The following RAB20 variants were observed in gnomAD, a reference collection of about 807,000 sequenced individuals.
RAB20 encodes RAB20, member RAS oncogene family.
Under a neutral mutation model 3.7 loss-of-function variants are expected in RAB20, and 2 were observed. The ratio of observed to expected loss-of-function variants is 0.54; its 90% CI spans 0.22 to 1.69. The LOEUF (loss-of-function observed/expected upper bound fraction) is 1.69, where lower values mean the gene tolerates loss of function less well. Among genes scored for constraint, RAB20 ranks in the 40% most tolerant of loss-of-function variants. The pLI is 0.19. For synonymous variants in RAB20, 126 were observed against 130.8 expected, an observed-to-expected ratio of 0.96 and a Z score of 0.25; for missense variants, 276 against 311.9, an observed-to-expected ratio of 0.88 and a Z score of 0.87.
chr13:110,526,973 G>A (rs7995929), intron 1 of RAB20, among the ~76,000 whole-genome samples: 97,807 of 151,946 alleles, frequency 0.64, 32,029 homozygotes, highest in Admixed American at 0.7. Context: ...CCCCTCGGGG[G>A]CCGAGGGGTC....
At chr13:110,559,229 C>T (rs924018316) in intron 1 of RAB20, among the ~76,000 whole-genome samples, 3 of 152,104 alleles carry the variant, frequency 2.0e-5, no homozygotes, top group Admixed American at 2.0e-4. Context: ...CCCAGCCCAC[C>T]CTGCCTTGTG....
At chr13:110,548,358 C>T (rs940682528) in intron 1 of RAB20, among the ~76,000 whole-genome samples, 2 of 151,984 alleles carry the variant, frequency 1.3e-5, no homozygotes, top group Non-Finnish European at 2.9e-5. Flanking sequence ...GTGGTGTGCA[C>T]CTGTAGTCCC....
intron 1 of RAB20, among the ~76,000 whole-genome samples, chr13:110,546,631 T>TCA (rs1884853227): frequency 6.6e-6 from 1 of 151,952 alleles, no homozygotes; most frequent in Non-Finnish European, 1.5e-5. Context: ...GGCATGGTGC[T>TCA]GGGTGACACC....
intron 1 of RAB20, among the ~76,000 whole-genome samples, chr13:110,548,762 G>A (rs1415424783): frequency 6.6e-6 from 1 of 152,116 alleles, no homozygotes; most frequent in East Asian, 1.9e-4. Context: ...CCAACCTGGA[G>A]TGCAACCTGT....
Position 110,555,807 on chromosome 13 carries a change from C to T in RAB20, c.172+5541G>A, listed in dbSNP as rs928911470. Among the ~76,000 whole-genome samples, 1 of 152,182 alleles carries T rather than the reference C, an allele frequency of 6.6e-6. No homozygotes were observed. The highest frequency in any genetic ancestry group is 2.4e-5 in the African/African-American group (1 of 41,438). On this transcript the variant is annotated intron_variant, in intron 1 of 1. Transcript: ENST00000267328. This position sits in a 1 kb window ranked among gnomAD's most constrained non-coding sequence, Gnocchi z 4.0. The stretch of plus-strand genomic sequence containing the variant: ...TGGCGACTTTTATTCTCACTCTTTA[C>T]CACGGCCACCGCGAGTGCCCCCAGC...
chr13:110,546,105 C>A (rs773785758), intron 1 of RAB20, among the ~76,000 whole-genome samples: 4 of 150,756 alleles, frequency 2.7e-5, no homozygotes, highest in Non-Finnish European at 5.9e-5. Context: ...AAAAAAAAAG[C>A]CTCAGCCATT....
intron 1 of RAB20, among the ~76,000 whole-genome samples, chr13:110,536,341 C>T (rs1884638496): frequency 6.6e-6 from 1 of 152,148 alleles, no homozygotes; most frequent in African/African-American, 2.4e-5. Context: ...TGACTCAGAC[C>T]CCTACTAAAG....
At chr13:110,532,285 G>T (rs1338587372) in intron 1 of RAB20, among the ~76,000 whole-genome samples, 1 of 152,234 alleles carries the variant, frequency 6.6e-6, no homozygotes, top group Admixed American at 6.5e-5. Flanking sequence ...CTATTGAAAT[G>T]TAAGAATTAG....
At chr13:110,547,583 G>A (rs1015397340) in intron 1 of RAB20, among the ~76,000 whole-genome samples, 4 of 152,106 alleles carry the variant, frequency 2.6e-5, no homozygotes, top group African/African-American at 7.2e-5. Context: ...TCACTTCTAC[G>A]AAGGACACAG....
intron 1 of RAB20, among the ~76,000 whole-genome samples, chr13:110,537,695 C>T (rs1269002898): frequency 1.3e-5 from 2 of 150,234 alleles, no homozygotes; most frequent in African/African-American, 5.0e-5. Flanking sequence ...TGAGTCCAGC[C>T]ACTATTAACA....
At chr13:110,538,552 G>A (rs1363286987) in intron 1 of RAB20, among the ~76,000 whole-genome samples, 1 of 133,550 alleles carries the variant, frequency 7.5e-6, no homozygotes, top group African/African-American at 2.7e-5. Flanking sequence ...GTTGTAGTGA[G>A]CTATGATCAC....
intron 1 of RAB20, among the ~76,000 whole-genome samples, chr13:110,532,016 G>A (rs921369174): frequency 6.6e-6 from 1 of 152,170 alleles, no homozygotes; most frequent in Non-Finnish European, 1.5e-5. Flanking sequence ...TCTACCCCAA[G>A]TGTTGTGTCG....
chr13:110,547,625 G>A (rs527427727), intron 1 of RAB20, among the ~76,000 whole-genome samples: 7 of 152,244 alleles, frequency 4.6e-5, no homozygotes, highest in Non-Finnish European at 7.4e-5. Flanking sequence ...ATAAATCCTC[G>A]GACAGGTCTG....
intron 1 of RAB20, among the ~76,000 whole-genome samples, chr13:110,547,381 T>C (rs1018810368): frequency 2.0e-5 from 3 of 152,220 alleles, no homozygotes; most frequent in Non-Finnish European, 4.4e-5. Context: ...ATTGATCTCG[T>C]TAGTGATGAG....
At chr13:110,526,287 TG>T (rs1372786345) in intron 1 of RAB20, among the ~76,000 whole-genome samples, 2 of 152,186 alleles carry the variant, frequency 1.3e-5, no homozygotes, top group Non-Finnish European at 2.9e-5. Flanking sequence ...CAGAGAGAGG[TG>T]GCACCCAGGG....
At position 110,538,733 on chromosome 13, in the gene RAB20, G is replaced by C. The variant is rs112619050; in HGVS notation, c.173-14536C>G. Reference sequence around the variant, plus strand: ...CCACTCCCAGAAAACCAGCTCCCTGGGGACGGCTGTTTCCTCCCAGCAAGG... The same window carrying C: ...CCACTCCCAGAAAACCAGCTCCCTGCGGACGGCTGTTTCCTCCCAGCAAGG... On this transcript the variant is annotated intron_variant, in intron 1 of 1. Transcript: ENST00000267328. Among the ~76,000 whole-genome samples, 4 of 152,124 alleles carry C rather than the reference G, an allele frequency of 2.6e-5. No homozygotes were observed. The South Asian group carries it at 6.2e-4, about 24-fold the overall frequency.
At chr13:110,557,685 T>A (rs1885061723) in intron 1 of RAB20, among the ~76,000 whole-genome samples, 1 of 152,230 alleles carries the variant, frequency 6.6e-6, no homozygotes, top group South Asian at 2.1e-4. Context: ...CAGCTGGAGC[T>A]GGATGCCGGC....
Position 110,561,383 on chromosome 13 carries a change from C to G in RAB20, c.137G>C (p.Trp46Ser). ...TVGGAFYLKQ[W>S]RSYNISIWDT... ...CCAGATGGAGATGTTGTAGGAGCGCCACTGCTTCAGGTAGAAGGCGCCGCC... is the reference window on the plus strand; with the variant it reads ...CCAGATGGAGATGTTGTAGGAGCGCGACTGCTTCAGGTAGAAGGCGCCGCC... The change falls in exon 1 of 2, where the codon TGG becomes TCG. Residue 46 changes from tryptophan to serine, a missense_variant. Coordinates refer to ENST00000267328, the MANE Select transcript of RAB20 (RefSeq NM_017817.3). 6.2e-7 allele frequency: 1 copy of G among 1,609,384 alleles called. No individual in the cohort carries two copies. The highest frequency in any genetic ancestry group is 1.3e-5 in the African/African-American group (1 of 74,436).
chr13:110,545,204 G>A (rs1404530698), intron 1 of RAB20, among the ~76,000 whole-genome samples: 3 of 152,160 alleles, frequency 2.0e-5, no homozygotes, highest in African/African-American at 7.2e-5. Context: ...TAACTGGGTT[G>A]TTTGTAACGC....
Sources: allele counts gnomAD v4.1 joint callset (sites outside exome capture counted in the v4.1 genomes callset), GRCh38; gene constraint gnomAD v4.1.1; non-coding constraint Gnocchi (gnomAD v3.1); transcripts MANE v1.5; gene names NCBI Gene and HGNC (gene_info 2026-07-23, HGNC 2026-07-21).